TUSC3: variants seen among roughly 807,000 people sequenced by gnomAD.
The protein encoded by TUSC3 is dolichyl-diphosphooligosaccharide--protein glycosyltransferase subunit TUSC3.
In TUSC3, 45 loss-of-function variants were observed where a neutral mutation model predicts 44.8. The ratio of observed to expected loss-of-function variants is 1.00; its 90% CI spans 0.79 to 1.29. The LOEUF (loss-of-function observed/expected upper bound fraction) is 1.29, where lower values mean the gene tolerates loss of function less well. Among genes scored for constraint, TUSC3 ranks in the 50% most tolerant of loss-of-function variants. The pLI is 0.00. For synonymous variants in TUSC3, 212 were observed against 152.9 expected, an observed-to-expected ratio of 1.39 and a Z score of -2.85; for missense variants, 519 against 437.9, an observed-to-expected ratio of 1.19 and a Z score of -1.65.
At chr8:15,835,713 T>G in the TUSC3 span, among the ~76,000 whole-genome samples, 1 of 152,290 alleles carries the variant, frequency 6.6e-6, no homozygotes, top group African/African-American at 2.4e-5. Flanking sequence ...GAAGATACAG[T>G]CTCTACTTTC....
intron 1 of TUSC3, among the ~76,000 whole-genome samples, chr8:15,446,142 G>T (rs1388933356): frequency 6.6e-6 from 1 of 151,928 alleles, no homozygotes; most frequent in East Asian, 1.9e-4. Context: ...TCGCGGCCGG[G>T]CAGAGGCGCT....
chr8:15,487,250 TA>T (rs1369429578), intron 2 of TUSC3, among the ~76,000 whole-genome samples: 2 of 152,232 alleles, frequency 1.3e-5, no homozygotes, highest in African/African-American at 4.8e-5. Context: ...AATCTGAAAA[TA>T]TTAACTTTAA....
intron 1 of TUSC3, among the ~76,000 whole-genome samples, chr8:15,475,112 A>T (rs181554443): frequency 9.9e-5 from 15 of 152,276 alleles, no homozygotes; most frequent in Non-Finnish European, 1.5e-5. Context: ...ATAACAGCTA[A>T]TATTATTGAG....
At chr8:15,626,217 C>T (rs1000820279) in intron 2 of TUSC3, among the ~76,000 whole-genome samples, 4 of 152,200 alleles carry the variant, frequency 2.6e-5, no homozygotes, top group Non-Finnish European at 5.9e-5. Flanking sequence ...GACCCTGTCC[C>T]TGGTCACTGC....
chr8:15,695,398 T>C (rs1460300089), intron 6 of TUSC3, among the ~76,000 whole-genome samples: 1 of 152,228 alleles, frequency 6.6e-6, no homozygotes, highest in Non-Finnish European at 1.5e-5. Context: ...TTGTTCCTCC[T>C]TGTCTTCTGC....
At chr8:15,668,927 G>A (rs1013022101) in intron 5 of TUSC3, among the ~76,000 whole-genome samples, 3 of 151,720 alleles carry the variant, frequency 2.0e-5, no homozygotes, top group African/African-American at 7.3e-5. Flanking sequence ...CGGGATGTAT[G>A]CTGGTGGTAA....
chr8:15,625,046 T>G (rs578056689), intron 2 of TUSC3, among the ~76,000 whole-genome samples: 1 of 152,306 alleles, frequency 6.6e-6, no homozygotes, highest in East Asian at 1.9e-4. Context: ...ATTCCTAGTT[T>G]GCTGACAGTT....
chr8:15,613,280 C>T (rs1804842419), intron 1 of TUSC3, among the ~76,000 whole-genome samples: 3 of 151,076 alleles, frequency 2.0e-5, no homozygotes, highest in Admixed American at 2.0e-4. Context: ...TTGTAATACT[C>T]AGAAACATTA....
chr8:15,739,672 A>T (rs1399428512), intron 7 of TUSC3, among the ~76,000 whole-genome samples: 1 of 152,186 alleles, frequency 6.6e-6, no homozygotes, highest in African/African-American at 2.4e-5. Context: ...GAATATGTTT[A>T]TGGAGTAGTA....
intron 2 of TUSC3, among the ~76,000 whole-genome samples, chr8:15,508,574 G>T (rs1470133099): frequency 7.1e-6 from 1 of 139,906 alleles, no homozygotes; most frequent in Non-Finnish European, 1.5e-5. Context: ...CCATTCTCCT[G>T]CCTCAGCCTC....
intron 3 of TUSC3, among the ~76,000 whole-genome samples, chr8:15,655,356 A>G (rs528075195): frequency 3.3e-5 from 5 of 152,192 alleles, no homozygotes; most frequent in Non-Finnish European, 7.3e-5. Flanking sequence ...AGTAAGGGAA[A>G]AATGCCTCAA....
chr8:15,820,954 G>C, the TUSC3 span, among the ~76,000 whole-genome samples: 6 of 152,182 alleles, frequency 3.9e-5, no homozygotes, highest in Admixed American at 3.9e-4. Context: ...TTGAGTTTTA[G>C]GTGTGCCCAG....
intron 1 of TUSC3, among the ~76,000 whole-genome samples, chr8:15,564,191 C>T (rs186857839): frequency 5.3e-5 from 8 of 151,906 alleles, no homozygotes; most frequent in East Asian, 1.9e-4. Flanking sequence ...TTAGAAACTT[C>T]GTAACAATGG....
the TUSC3 span, among the ~76,000 whole-genome samples, chr8:15,785,831 T>C: frequency 1.3e-5 from 2 of 152,078 alleles, no homozygotes; most frequent in Non-Finnish European, 2.9e-5. Flanking sequence ...AAGAGCCAAA[T>C]TCAGTCCTGA....
intron 10 of TUSC3, chr8:15,758,151 G>A: frequency 9.0e-7 from 1 of 1,106,792 alleles, no homozygotes; most frequent in Non-Finnish European, 1.1e-6. Context: ...TTATCACTTA[G>A]GGAAAAAAGG....
chr8:15,752,369 T>G (rs1811744132), intron 9 of TUSC3, among the ~76,000 whole-genome samples: 1 of 152,112 alleles, frequency 6.6e-6, no homozygotes, highest in African/African-American at 2.4e-5. Context: ...TAGTGAACGT[T>G]TCTGGTTTAA....
downstream of TUSC3, among the ~76,000 whole-genome samples, chr8:15,766,991 T>C (rs1008832159): frequency 3.9e-5 from 6 of 152,082 alleles, no homozygotes; most frequent in Admixed American, 6.6e-5. Flanking sequence ...TCCACAGAGC[T>C]CATTAAGTTT....
chr8:15,704,542 T>C (rs555567151), intron 6 of TUSC3, among the ~76,000 whole-genome samples: 1 of 152,292 alleles, frequency 6.6e-6, no homozygotes, highest in African/African-American at 2.4e-5. Context: ...CATAACTTTA[T>C]TGGTTCTTTG....
At chr8:15,562,291 A>G (rs1348999249) in intron 1 of TUSC3, among the ~76,000 whole-genome samples, 1 of 152,148 alleles carries the variant, frequency 6.6e-6, no homozygotes, top group African/African-American at 2.4e-5. Flanking sequence ...TCCTGTTCTA[A>G]AAAATCTTAT....
Sources: gnomAD v4.1 joint callset for allele counts (sites outside exome capture counted in the v4.1 genomes callset) on GRCh38, gnomAD v4.1.1 for gene constraint, MANE v1.5 for transcripts, NCBI Gene and HGNC (gene_info 2026-07-23, HGNC 2026-07-21) for gene names.